Variants in KAZN observed in about 807,000 individuals in gnomAD.
KAZN encodes kazrin, periplakin interacting protein.
Under a neutral mutation model 87.4 loss-of-function variants are expected in KAZN, and 40 were observed. The ratio of observed to expected loss-of-function variants is 0.46; its 90% confidence interval spans 0.36 to 0.60. KAZN has a LOEUF of 0.60. Ranked by LOEUF, KAZN falls within the 20% of genes least tolerant of loss-of-function variation. The probability of loss-of-function intolerance (pLI) is 0.00; values close to 1 mark genes in which losing one functional copy is unlikely to be tolerated. For synonymous variants in KAZN, 466 were observed against 458.3 expected, an observed-to-expected ratio of 1.02 and a Z score of -0.22; for missense variants, 898 against 1,073.9, an observed-to-expected ratio of 0.84 and a Z score of 2.29.
At chr1:14,432,440 A>G (rs1182592256) in intron 2 of KAZN, among the ~76,000 whole-genome samples, 1 of 152,194 alleles carries the variant, frequency 6.6e-6, no homozygotes, top group African/African-American at 2.4e-5. Context: ...TCCAAGCAAC[A>G]CTGGCACGGT....
At chr1:14,219,223 A>G (rs1647037293) in intron 2 of KAZN, among the ~76,000 whole-genome samples, 1 of 152,166 alleles carries the variant, frequency 6.6e-6, no homozygotes, top group Non-Finnish European at 1.5e-5. Context: ...ACTGTAAAGG[A>G]AAGCTCAGAA....
At chr1:14,050,202 A>G (rs56342003) in intron 1 of KAZN, among the ~76,000 whole-genome samples, 33,944 of 150,312 alleles carry the variant, frequency 0.23, 4,151 homozygotes, top group African/African-American at 0.32. Flanking sequence ...ACATATGTGC[A>G]CATGTGTGGG....
intron 2 of KAZN, among the ~76,000 whole-genome samples, chr1:14,480,200 T>G (rs1295557124): frequency 1.3e-5 from 2 of 152,244 alleles, no homozygotes; most frequent in African/African-American, 4.8e-5. Context: ...GCACCTGCCA[T>G]GGAGCAAGGG....
chr1:14,440,905 G>T (rs1485370261), intron 2 of KAZN, among the ~76,000 whole-genome samples: 1 of 152,174 alleles, frequency 6.6e-6, no homozygotes, highest in Non-Finnish European at 1.5e-5. Context: ...ACGCAGACAG[G>T]TTCTGAGGGC....
At chr1:15,028,019 A>G (rs1573104964) in intron 2 of KAZN, among the ~76,000 whole-genome samples, 1 of 152,116 alleles carries the variant, frequency 6.6e-6, no homozygotes, top group Non-Finnish European at 1.5e-5. Flanking sequence ...GTTTGTCTCC[A>G]CTGGGCATTC....
At chr1:14,399,366 A>G (rs1663185058) in intron 2 of KAZN, among the ~76,000 whole-genome samples, 1 of 152,142 alleles carries the variant, frequency 6.6e-6, no homozygotes, top group African/African-American at 2.4e-5. Flanking sequence ...CTGCTCCTAA[A>G]TAATCTATTT....
chr1:14,181,159 G>A (rs1299093278), intron 2 of KAZN, among the ~76,000 whole-genome samples: 5 of 152,130 alleles, frequency 3.3e-5, no homozygotes, highest in African/African-American at 1.2e-4. Context: ...GGCTTTGTTG[G>A]TGGGTCTCTT....
chr1:14,960,960 C>T, intron 2 of KAZN, 85 bp downstream of exon 2: 1 of 1,380,050 alleles, frequency 7.2e-7, no homozygotes, highest in East Asian at 2.4e-5. Flanking sequence ...GGAAGTGACG[C>T]AGATGGACAC....
chr1:15,014,248 G>C (rs1411804966), intron 2 of KAZN, among the ~76,000 whole-genome samples: 2 of 152,080 alleles, frequency 1.3e-5, no homozygotes, highest in African/African-American at 4.8e-5. Context: ...TCAGAAATCT[G>C]TGATTTAGAC....
chr1:14,934,331 C>G (rs111605947), intron 1 of KAZN, among the ~76,000 whole-genome samples: 6 of 151,430 alleles, frequency 4.0e-5, no homozygotes, highest in Admixed American at 2.0e-4. Context: ...TTCAGCCTCC[C>G]GAGTAGCTGG....
intron 1 of KAZN, among the ~76,000 whole-genome samples, chr1:14,895,615 G>T (rs1288739338): frequency 2.6e-5 from 4 of 152,206 alleles, no homozygotes; most frequent in East Asian, 1.9e-4. Context: ...TTCCGGGAGG[G>T]TGGAATTTGG....
rs757653351 is a variant in KAZN at position 15,117,372 on chromosome 1, C to T, written c.*2737C>T. On this transcript the variant is annotated 3_prime_UTR_variant, in exon 15 of 15. Transcript: ENST00000376030. The stretch of plus-strand genomic sequence containing the variant: ...GGAGAAGGCACCTGCCTGGTAGACT[C>T]TCAGCTTTCTGACCCCCAGGAGCCT... 1.3e-5 allele frequency: 2 copies of T among 152,262 alleles called. No individual in the cohort carries two copies. The highest frequency in any genetic ancestry group is 4.1e-4 in the South Asian group (2 of 4,824). 9.4% of individuals were successfully genotyped at this position (152,262 alleles called of 1,614,324 possible).
At chr1:14,131,915 GT>G (rs1184708099) in intron 1 of KAZN, among the ~76,000 whole-genome samples, 1 of 151,990 alleles carries the variant, frequency 6.6e-6, no homozygotes, top group African/African-American at 2.4e-5. Flanking sequence ...ATTCTTGGGA[GT>G]TTTTGTTCTC....
At chr1:14,564,105 C>T (rs1322264600) in intron 2 of KAZN, among the ~76,000 whole-genome samples, 5 of 151,916 alleles carry the variant, frequency 3.3e-5, no homozygotes, top group Non-Finnish European at 7.4e-5. Flanking sequence ...CTTAACATGG[C>T]ATCTGAGGGC....
rs1264486250 is a variant in KAZN, at chr1:14,354,578, A to G, written c.249+173986A>G. Among the ~76,000 whole-genome samples the G allele has an allele frequency of 2.0e-5, 3 of 152,076 alleles. No individual in the cohort carries two copies. In the East Asian group the frequency reaches 5.8e-4, roughly 29 times the overall value. On this transcript the variant is annotated intron_variant, in intron 2 of 16. Coordinates refer to the KAZN transcript ENST00000636203. ...AATAAGGTGCTCAACGTCAGTAGTC[A>G]TCAGGAAAATTCCAAATTAAAACCA...
chr1:14,301,033 T>C (rs960761507), intron 2 of KAZN, among the ~76,000 whole-genome samples: 5 of 152,156 alleles, frequency 3.3e-5, no homozygotes, highest in Admixed American at 6.5e-5. Context: ...TTGGCAAGGA[T>C]TGGTGAAATC....
chr1:13,924,021 G>T (rs968490021), intron 1 of KAZN, among the ~76,000 whole-genome samples: 2 of 152,092 alleles, frequency 1.3e-5, no homozygotes, highest in African/African-American at 4.8e-5. Flanking sequence ...ATGGATGGGA[G>T]GGCCAAATAT....
intron 2 of KAZN, among the ~76,000 whole-genome samples, chr1:14,388,023 GT>G (rs890393109): frequency 2.0e-5 from 3 of 152,200 alleles, no homozygotes; most frequent in African/African-American, 7.2e-5. Flanking sequence ...CTGGTGTGCC[GT>G]TTTTTAAGCC....
chr1:14,433,783 C>T (rs1051175465), intron 2 of KAZN, among the ~76,000 whole-genome samples: 2 of 152,180 alleles, frequency 1.3e-5, no homozygotes, highest in African/African-American at 2.4e-5. Context: ...TAGCTTGAAC[C>T]CGGGAGGCGG....
Sources: gnomAD v4.1 joint callset for allele counts (sites outside exome capture counted in the v4.1 genomes callset) on GRCh38, gnomAD v4.1.1 for gene constraint, MANE v1.5 for transcripts, NCBI Gene and HGNC (gene_info 2026-07-23, HGNC 2026-07-21) for gene names.